Variants in FSTL1 observed in about 807,000 individuals in gnomAD.
FSTL1 encodes the protein follistatin like 1, also known as follistatin-related protein 1.
FSTL1 carries 24 observed loss-of-function variants against 45.9 expected under a neutral mutation model. The ratio of observed to expected loss-of-function variants is 0.52; its 90% CI spans 0.38 to 0.74. The LOEUF (loss-of-function observed/expected upper bound fraction) is 0.74, where lower values mean the gene tolerates loss of function less well. FSTL1 is among the 30% of genes least tolerant of loss of function. The pLI is 0.00. For synonymous variants in FSTL1, 120 were observed against 137.6 expected, an observed-to-expected ratio of 0.87 and a Z score of 0.89; for missense variants, 340 against 381.8, an observed-to-expected ratio of 0.89 and a Z score of 0.91.
chr3:120,432,070 A>G (rs1028243418), intron 2 of FSTL1, among the ~76,000 whole-genome samples: 1 of 152,200 alleles, frequency 6.6e-6, no homozygotes, highest in East Asian at 1.9e-4. Context: ...TAAGCTGTAC[A>G]TATTTGGAGC....
intron 10 of FSTL1, among the ~76,000 whole-genome samples, chr3:120,398,281 C>T (rs900349116): frequency 1.6e-4 from 25 of 152,136 alleles, no homozygotes; most frequent in African/African-American, 5.3e-4. Context: ...GACAACATTG[C>T]CTGATATCTA....
At chr3:120,398,622 C>CATT (rs957748719) in intron 10 of FSTL1, among the ~76,000 whole-genome samples, 2 of 152,232 alleles carry the variant, frequency 1.3e-5, no homozygotes, top group Non-Finnish European at 2.9e-5. Flanking sequence ...ACACACTCTT[C>CATT]ATTACTTCCT....
At chr3:120,430,228 A>G (rs1442442456) in intron 2 of FSTL1, among the ~76,000 whole-genome samples, 1 of 149,744 alleles carries the variant, frequency 6.7e-6, no homozygotes, top group African/African-American at 2.6e-5. Flanking sequence ...GAATTTTCTC[A>G]GAGACTTTGG....
At chr3:120,414,573 G>C (rs1366455438) in intron 3 of FSTL1, among the ~76,000 whole-genome samples, 1 of 152,162 alleles carries the variant, frequency 6.6e-6, no homozygotes, top group Admixed American at 6.5e-5. Flanking sequence ...GGAAAAGATT[G>C]AGAAATCGGA....
chr3:120,411,493 C>T lies in FSTL1; in HGVS notation c.298+361G>A, dbSNP rs570626903. On this transcript the variant is annotated intron_variant, in intron 4 of 10. Coordinates refer to ENST00000295633, the MANE Select transcript of FSTL1 (RefSeq NM_007085.5). ...ACTGAGAGGTGCCCAAATTAAAAAG[C>T]ATGGGAAAAGTGAAACTTACCTACT... Among the ~76,000 whole-genome samples, 4 of 152,304 alleles carry T rather than the reference C, an allele frequency of 2.6e-5. No homozygotes were observed. The South Asian group carries it at 6.2e-4, about 24-fold the overall frequency.
At chr3:120,416,619 C>T (rs1412750111) in intron 2 of FSTL1, among the ~76,000 whole-genome samples, 1 of 152,174 alleles carries the variant, frequency 6.6e-6, no homozygotes, top group African/African-American at 2.4e-5. Flanking sequence ...GGACCCAAAC[C>T]TGACTGAATG....
At chr3:120,415,031 T>C (rs923239473) in intron 3 of FSTL1, among the ~76,000 whole-genome samples, 6 of 151,852 alleles carry the variant, frequency 4.0e-5, no homozygotes, top group Non-Finnish European at 5.9e-5. Context: ...AAAAAATCTT[T>C]AGCTCTATTT....
chr3:120,418,323 C>T (rs1317200394), intron 2 of FSTL1, among the ~76,000 whole-genome samples: 1 of 152,084 alleles, frequency 6.6e-6, no homozygotes, highest in African/African-American at 2.4e-5. Flanking sequence ...CCCAAGTTTC[C>T]AAAGCTAGAA....
intron 6 of FSTL1, among the ~76,000 whole-genome samples, chr3:120,405,894 C>T (rs1936938341): frequency 2.0e-5 from 3 of 152,148 alleles, no homozygotes; most frequent in African/African-American, 7.2e-5. Flanking sequence ...TAACATTTTC[C>T]CCCTTCCTCC....
intron 2 of FSTL1, among the ~76,000 whole-genome samples, chr3:120,446,389 A>C (rs1193085380): frequency 1.3e-5 from 2 of 152,174 alleles, no homozygotes; most frequent in Non-Finnish European, 2.9e-5. Flanking sequence ...TCTGTCACCC[A>C]ATCCAGAGAC....
At chr3:120,425,849 A>G (rs1311298795) in intron 2 of FSTL1, among the ~76,000 whole-genome samples, 1 of 152,212 alleles carries the variant, frequency 6.6e-6, no homozygotes, top group African/African-American at 2.4e-5. Context: ...AGAGGGAATC[A>G]GGGAAGCAGT....
chr3:120,431,158 G>C (rs1336655660), intron 2 of FSTL1, among the ~76,000 whole-genome samples: 1 of 152,112 alleles, frequency 6.6e-6, no homozygotes, highest in Non-Finnish European at 1.5e-5. Flanking sequence ...TTTTAGTAGA[G>C]ACAGGGTTTC....
intron 6 of FSTL1, among the ~76,000 whole-genome samples, chr3:120,409,257 C>T (rs1937004403): frequency 6.6e-6 from 1 of 152,224 alleles, no homozygotes; most frequent in African/African-American, 2.4e-5. Context: ...GAGCTTGGCC[C>T]TAACTGACAG....
In FSTL1 at chr3:120,405,424, C is replaced by T. The variant is rs191365104; in HGVS notation, c.463-453G>A. ...GAGCTGCTCAGGAACAGCAGCAATG[C>T]AGATGACCCTCTGAGCTCACTTTGG... On this transcript the variant is annotated intron_variant, in intron 6 of 10. Transcript: ENST00000295633. Among the ~76,000 whole-genome samples the T allele has an allele frequency of 6.6e-5, 10 of 152,330 alleles. No homozygotes were observed. In the East Asian group the frequency reaches 1.5e-3, roughly 24 times the overall value.
chr3:120,417,846 C>A (rs1421719058), intron 2 of FSTL1, among the ~76,000 whole-genome samples: 1 of 152,186 alleles, frequency 6.6e-6, no homozygotes, highest in African/African-American at 2.4e-5. Context: ...AGTCTCTGTC[C>A]TTAACTAGTA....
chr3:120,445,912 T>C (rs1937728826), intron 2 of FSTL1, among the ~76,000 whole-genome samples: 1 of 149,862 alleles, frequency 6.7e-6, no homozygotes, highest in Admixed American at 6.6e-5. Context: ...ACGCCATTCA[T>C]GGCATACTCT....
intron 6 of FSTL1, among the ~76,000 whole-genome samples, chr3:120,408,655 T>G (rs911001378): frequency 6.6e-6 from 1 of 152,042 alleles, no homozygotes; most frequent in Admixed American, 6.6e-5. Context: ...CTTTGGTGCT[T>G]GCATGGAAAT....
At chr3:120,415,602 T>C (rs187993513) in intron 3 of FSTL1, among the ~76,000 whole-genome samples, 2 of 152,356 alleles carry the variant, frequency 1.3e-5, no homozygotes, top group Admixed American at 6.5e-5. Flanking sequence ...TTAACGCTGG[T>C]TACTTCAGAC....
At chr3:120,447,167 T>C (rs1207304569) in intron 2 of FSTL1, among the ~76,000 whole-genome samples, 1 of 152,168 alleles carries the variant, frequency 6.6e-6, no homozygotes, top group Non-Finnish European at 1.5e-5. Flanking sequence ...GCACACACAC[T>C]ACCGCCTGTG....
Sources: allele counts gnomAD v4.1 joint callset (sites outside exome capture counted in the v4.1 genomes callset), GRCh38; gene constraint gnomAD v4.1.1; transcripts MANE v1.5; gene names NCBI Gene and HGNC (gene_info 2026-07-23, HGNC 2026-07-21).